The following MPPED2 variants were observed in gnomAD, a reference collection of about 807,000 sequenced individuals.
MPPED2 encodes the protein metallophosphoesterase domain containing 2.
Under a neutral mutation model 33.0 loss-of-function variants are expected in MPPED2, and 5 were observed. That is an observed-to-expected ratio of 0.15 (90% CI 0.08 to 0.32). The LOEUF is 0.32. MPPED2 is among the 10% of genes least tolerant of loss of function. MPPED2 has a pLI of 1.00. For synonymous variants in MPPED2, 136 were observed against 141.9 expected (o/e 0.96, Z 0.29); for missense variants, 275 against 372.1 (o/e 0.74, Z 2.15).
intron 3 of MPPED2, among the ~76,000 whole-genome samples, chr11:30,506,470 T>A (rs1458484882): frequency 2.0e-5 from 3 of 152,242 alleles, no homozygotes; most frequent in African/African-American, 7.2e-5. Flanking sequence ...ACTAGTAGTG[T>A]TGGCTGACAA....
intron 6 of MPPED2, 83 bp downstream of exon 6, chr11:30,414,145 A>G: frequency 5.3e-6 from 5 of 947,472 alleles, no homozygotes; most frequent in Non-Finnish European, 8.5e-6. Context: ...GTTTGAAAAC[A>G]ACTACTCCAC....
chr11:30,550,614 G>A (rs926714819), intron 2 of MPPED2, among the ~76,000 whole-genome samples: 20 of 152,148 alleles, frequency 1.3e-4, no homozygotes, highest in South Asian at 2.1e-4. Flanking sequence ...CGGCTTGCAC[G>A]GCTGAAGAAA....
At chr11:30,477,572 C>T (rs79312735) in intron 4 of MPPED2, among the ~76,000 whole-genome samples, 61 of 152,070 alleles carry the variant, frequency 4.0e-4, no homozygotes, top group East Asian at 3.3e-3. Context: ...CCACATTGAT[C>T]ATAATCTATT....
chr11:30,568,526 A>G (rs2134786914), intron 2 of MPPED2, among the ~76,000 whole-genome samples: 1 of 152,292 alleles, frequency 6.6e-6, no homozygotes, highest in African/African-American at 2.4e-5. Context: ...TGAGACCAGA[A>G]CTAAAATCCA....
intron 2 of MPPED2, among the ~76,000 whole-genome samples, chr11:30,562,075 G>T (rs1457013430): frequency 6.6e-6 from 1 of 152,126 alleles, no homozygotes; most frequent in African/African-American, 2.4e-5. Context: ...AAATGGAAAA[G>T]ACCTAGAAGC....
intron 2 of MPPED2, among the ~76,000 whole-genome samples, chr11:30,562,687 T>C (rs1956285336): frequency 6.7e-6 from 1 of 148,500 alleles, no homozygotes; most frequent in Non-Finnish European, 1.5e-5. Context: ...AGTCACATTC[T>C]GTACTAGAAA....
At chr11:30,452,001 A>T (rs72885522) in intron 4 of MPPED2, 104,269 of 985,182 alleles carry the variant, frequency 0.11, 5,672 homozygotes, top group East Asian at 0.18. Context: ...CCGTAAAACG[A>T]TTCCCATTTC....
intron 3 of MPPED2, among the ~76,000 whole-genome samples, chr11:30,500,815 C>A (rs1590600197): frequency 6.6e-6 from 1 of 152,158 alleles, no homozygotes; most frequent in East Asian, 1.9e-4. Flanking sequence ...GGCAGACACA[C>A]AACTCAGATT....
chr11:30,561,477 T>G (rs1397381332), intron 2 of MPPED2, among the ~76,000 whole-genome samples: 2 of 152,190 alleles, frequency 1.3e-5, no homozygotes, highest in Non-Finnish European at 2.9e-5. Context: ...AATTCTAGTA[T>G]GTCCTGAGAT....
intron 4 of MPPED2, among the ~76,000 whole-genome samples, chr11:30,449,374 C>A (rs1320458953): frequency 2.0e-5 from 3 of 152,268 alleles, no homozygotes; most frequent in Non-Finnish European, 4.4e-5. Flanking sequence ...AGGACAGGTG[C>A]AGTGGCTCAC....
chr11:30,537,151 C>G (rs1487870902), intron 2 of MPPED2, among the ~76,000 whole-genome samples: 1 of 152,102 alleles, frequency 6.6e-6, no homozygotes, highest in East Asian at 1.9e-4. Flanking sequence ...TTCAAGCATA[C>G]AGTTTTAATT....
chr11:30,423,440 A>G (rs1002132301), intron 4 of MPPED2, among the ~76,000 whole-genome samples: 1 of 152,160 alleles, frequency 6.6e-6, no homozygotes, highest in Admixed American at 6.5e-5. Flanking sequence ...CTGTGCTCGG[A>G]TTTGGCACAG....
chr11:30,474,697 G>C (rs1184904998), intron 4 of MPPED2, among the ~76,000 whole-genome samples: 1 of 151,914 alleles, frequency 6.6e-6, no homozygotes. Context: ...AACACTTAAA[G>C]ACCCAGCCAA....
chr11:30,568,770 G>A (rs1956562811), intron 2 of MPPED2, among the ~76,000 whole-genome samples: 1 of 152,112 alleles, frequency 6.6e-6, no homozygotes. Context: ...CCAATGGGGG[G>A]TACCTGTCAC....
intron 4 of MPPED2, among the ~76,000 whole-genome samples, chr11:30,442,436 G>A (rs1468443252): frequency 6.6e-6 from 1 of 152,178 alleles, no homozygotes; most frequent in Non-Finnish European, 1.5e-5. Flanking sequence ...AAACGGGAGA[G>A]ACAAGACTCC....
At chr11:30,549,079 C>A (rs963657672) in intron 2 of MPPED2, among the ~76,000 whole-genome samples, 3 of 152,130 alleles carry the variant, frequency 2.0e-5, no homozygotes, top group African/African-American at 7.2e-5. Context: ...GTTCAAAGTA[C>A]AAACCACATT....
At chr11:30,390,601 T>C (rs948129118) in intron 6 of MPPED2, among the ~76,000 whole-genome samples, 1 of 152,230 alleles carries the variant, frequency 6.6e-6, no homozygotes, top group Non-Finnish European at 1.5e-5. Flanking sequence ...CTTATGCTGC[T>C]CTGAACTTCA....
At chr11:30,437,449 C>T (rs1276067241) in intron 4 of MPPED2, among the ~76,000 whole-genome samples, 1 of 152,142 alleles carries the variant, frequency 6.6e-6, no homozygotes, top group African/African-American at 2.4e-5. Context: ...CAAATTTCAA[C>T]CCTAGAATGG....
At chr11:30,427,217 C>T (rs367798022) in intron 4 of MPPED2, among the ~76,000 whole-genome samples, 5 of 152,128 alleles carry the variant, frequency 3.3e-5, no homozygotes, top group African/African-American at 1.2e-4. Context: ...TGTTACATAG[C>T]GAACTCTCAA....
Sources: allele counts gnomAD v4.1 joint callset (sites outside exome capture counted in the v4.1 genomes callset), GRCh38; gene constraint gnomAD v4.1.1; transcripts MANE v1.5; gene names NCBI Gene and HGNC (gene_info 2026-07-23, HGNC 2026-07-21).